LEPROT: variants seen among roughly 807,000 people sequenced by gnomAD.
LEPROT encodes the protein leptin receptor overlapping transcript, also known as leptin receptor gene-related protein.
Under a neutral mutation model 15.4 loss-of-function variants are expected in LEPROT, and 3 were observed. That is an observed-to-expected ratio of 0.19 (90% confidence interval 0.09 to 0.50). The LOEUF is 0.50. Among genes scored for constraint, LEPROT ranks in the 20% least tolerant of loss-of-function variants. The pLI is 0.97. For missense variants in LEPROT, 137 were observed against 162.2 expected, an observed-to-expected ratio of 0.84 and a Z score of 0.84; for synonymous variants, 59 against 57.5, an observed-to-expected ratio of 1.03 and a Z score of -0.12.
intron 3 of LEPROT, among the ~76,000 whole-genome samples, chr1:65,430,862 A>G (rs9436741): frequency 0.41 from 62,743 of 152,062 alleles, 15,808 homozygotes; most frequent in African/African-American, 0.72. Context: ...AGGGGCACCA[A>G]GAAGAGAGAA....
chr1:65,428,403 T>C (rs1039876182), intron 2 of LEPROT, among the ~76,000 whole-genome samples: 4 of 152,212 alleles, frequency 2.6e-5, no homozygotes, highest in African/African-American at 9.7e-5. Flanking sequence ...TGTGTCTCCT[T>C]TCTCACTGTT....
intron 2 of LEPROT, among the ~76,000 whole-genome samples, chr1:65,429,546 G>A (rs556283998): frequency 6.6e-6 from 1 of 152,282 alleles, no homozygotes; most frequent in Non-Finnish European, 1.5e-5. Context: ...GTTCTATAGG[G>A]AAGGCAGAAA....
Position 65,434,259 on chromosome 1 carries a change from A to T in LEPROT, c.*2340A>T. ...AGGAAATATTGCTATATCTGAATAT[A>T]TAATACAAAAGTTTGATCATGGTGA... On this transcript the variant is annotated 3_prime_UTR_variant, in exon 4 of 4. Transcript: ENST00000371065. The T allele has an allele frequency of 3.1e-6, 3 of 981,692 alleles. No individual in the cohort carries two copies. The highest frequency in any genetic ancestry group is 3.6e-6 in the Non-Finnish European group (3 of 826,486). 60.8% of individuals were successfully genotyped at this position (981,692 alleles called of 1,614,324 possible).
chr1:65,435,614 G>T lies in LEPROT; in HGVS notation c.*3695G>T. On this transcript the variant is annotated 3_prime_UTR_variant, in exon 4 of 4. Coordinates refer to ENST00000371065, the MANE Select transcript of LEPROT (RefSeq NM_017526.5). Reference sequence around the variant, plus strand: ...GATCTCCTGACCTCATGATCCGCCCGCCTCTGCCTCCCAAAGTGCTGGGAT... The same window carrying T: ...GATCTCCTGACCTCATGATCCGCCCTCCTCTGCCTCCCAAAGTGCTGGGAT... 1 of 805,124 alleles carries T rather than the reference G, an allele frequency of 1.2e-6. No homozygotes were observed. Among genetic ancestry groups the T allele is most frequent in the Non-Finnish European group, 1.5e-6 (1 of 665,682 alleles). 49.9% of individuals were successfully genotyped at this position (805,124 alleles called of 1,614,324 possible).
chr1:65,426,966 C>G (rs186074352), intron 2 of LEPROT, among the ~76,000 whole-genome samples: 1 of 151,046 alleles, frequency 6.6e-6, no homozygotes, highest in Non-Finnish European at 1.5e-5. Context: ...CCACTGCACT[C>G]TAGCCTGGCG....
rs370689197 is a variant in LEPROT, at chr1:65,435,691, G to A, written c.*3772G>A. On this transcript the variant is annotated 3_prime_UTR_variant, in exon 4 of 4. Transcript: ENST00000371065. ...CAAAATGTGCCTTTGCAAAGTTTGC[G>A]AAATCAGATTTTGTATCCCAATAGA... 1.9e-5 allele frequency: 19 copies of A among 985,412 alleles called. No individual in the cohort carries two copies. The East Asian group carries it at 9.1e-4, about 47-fold the overall frequency. 61.0% of individuals were successfully genotyped at this position (985,412 alleles called of 1,614,324 possible).
rs868416243 is a variant in LEPROT, at chr1:65,422,813, G to A, written c.16+2073G>A. On this transcript the variant is annotated intron_variant, in intron 1 of 3. Transcript: ENST00000371065. The stretch of plus-strand genomic sequence containing the variant: ...ACAGGCAGTTAGGAGTGAGTCAGGC[G>A]ATGGTGAGCCTCCGTGCCAGAACAA... Among the ~76,000 whole-genome samples, 37 of 152,354 alleles carry A rather than the reference G, an allele frequency of 2.4e-4. 1 individual carries two copies. In the Middle Eastern group the frequency reaches 0.01, roughly 42 times the overall value.
rs777494694 is a variant in LEPROT, at chr1:65,425,288, C to T, written c.17-15C>T. On this transcript the variant is annotated splice_polypyrimidine_tract_variant and intron_variant, in intron 1 of 3. Transcript: ENST00000371065. ...CTACTGTGGGAACTTTAACTTTTGG[C>T]TTTATTTTTCACAGCTCTCGTGGCA... 4 of 1,611,458 alleles carry T rather than the reference C, an allele frequency of 2.5e-6. No homozygotes were observed. Among genetic ancestry groups the T allele is most frequent in the East Asian group, 2.2e-5 (1 of 44,778 alleles).
chr1:65,428,546 T>C (rs187228875), intron 2 of LEPROT, among the ~76,000 whole-genome samples: 2 of 152,320 alleles, frequency 1.3e-5, no homozygotes, highest in East Asian at 3.9e-4. Flanking sequence ...TCCTGAGTCC[T>C]CTTGAAGGAC....
In LEPROT at chr1:65,435,810, G is replaced by A. The variant is rs982595176; in HGVS notation, c.*3891G>A. The stretch of plus-strand genomic sequence containing the variant: ...TGTCTGTAGTAGATAAATATTAGTT[G>A]TGCATTTTAATTTAATTCTCCTTTT... On this transcript the variant is annotated 3_prime_UTR_variant, in exon 4 of 4. Coordinates refer to ENST00000371065, the MANE Select transcript of LEPROT (RefSeq NM_017526.5). 2.7e-5 allele frequency: 27 copies of A among 982,368 alleles called. No homozygotes were observed. In the African/African-American group the frequency reaches 4.4e-4, roughly 16 times the overall value. 60.9% of individuals were successfully genotyped at this position (982,368 alleles called of 1,614,324 possible).
chr1:65,430,700 A>G lies in LEPROT; in HGVS notation c.279+652A>G, dbSNP rs139561186. On this transcript the variant is annotated intron_variant, in intron 3 of 3. Transcript: ENST00000371065. ...GATAAGCGCAAGTCTTGTTCATTCA[A>G]TAAATATCTTTGCAACAACTGCTAC... Among the ~76,000 whole-genome samples, 21 of 151,862 alleles carry G rather than the reference A, an allele frequency of 1.4e-4. No homozygotes were observed. The East Asian group carries it at 3.3e-3, about 24-fold the overall frequency.
rs1009190333 is a variant in LEPROT, at chr1:65,433,179, A to G, written c.*1260A>G. The G allele has an allele frequency of 2.0e-6, 2 of 982,952 alleles. No homozygotes were observed. The highest frequency in any genetic ancestry group is 1.8e-5 in the African/African-American group (1 of 56,216). The allele number at this position is 982,952 out of a possible 1,614,324, so 60.9% of individuals were successfully genotyped here. On this transcript the variant is annotated 3_prime_UTR_variant, in exon 4 of 4. Coordinates refer to ENST00000371065, the MANE Select transcript of LEPROT (RefSeq NM_017526.5). ...CTCCTTCCCTCTGCCCCCCACCCCTACTCCTCAACAGTTCTGGTTTGCCCT... is the reference window on the plus strand; with the variant it reads ...CTCCTTCCCTCTGCCCCCCACCCCTGCTCCTCAACAGTTCTGGTTTGCCCT...
chr1:65,422,167 T>C (rs1378173566), intron 1 of LEPROT, among the ~76,000 whole-genome samples: 1 of 152,208 alleles, frequency 6.6e-6, no homozygotes, highest in Admixed American at 6.5e-5. Context: ...TTTGCAGATA[T>C]AATCAAATTA....
chr1:65,430,142 C>A, intron 3 of LEPROT, 94 bp downstream of exon 3: 2 of 1,122,110 alleles, frequency 1.8e-6, no homozygotes, highest in Non-Finnish European at 2.4e-6. Flanking sequence ...ATTACTTAGG[C>A]TTTATACTCA....
At chr1:65,421,592 T>C in intron 1 of LEPROT, 1 of 1,003,338 alleles carries the variant, frequency 1.0e-6, no homozygotes, top group Non-Finnish European at 1.5e-6. Context: ...ATGTAGATAG[T>C]ATATATACGA....
intron 2 of LEPROT, among the ~76,000 whole-genome samples, chr1:65,426,585 G>A (rs899236404): frequency 6.6e-6 from 1 of 152,116 alleles, no homozygotes. Context: ...GGAAAGAAAA[G>A]GAGAGTGAGT....
At chr1:65,421,827 C>T (rs1189179519) in intron 1 of LEPROT, among the ~76,000 whole-genome samples, 1 of 151,728 alleles carries the variant, frequency 6.6e-6, no homozygotes, top group African/African-American at 2.4e-5. Flanking sequence ...ATCATGATCA[C>T]GTTTATGTGT....
chr1:65,421,335 A>G, intron 1 of LEPROT: 2 of 1,534,402 alleles, frequency 1.3e-6, no homozygotes, highest in Non-Finnish European at 1.7e-6. Context: ...CAGAGAAGAA[A>G]CCAGTGTGTG....
chr1:65,428,896 T>A (rs568683954), intron 2 of LEPROT, among the ~76,000 whole-genome samples: 1 of 152,296 alleles, frequency 6.6e-6, no homozygotes, highest in East Asian at 1.9e-4. Flanking sequence ...TGTTTTTGCA[T>A]TACACTATTA....
Sources: allele counts gnomAD v4.1 joint callset (sites outside exome capture counted in the v4.1 genomes callset), GRCh38; gene constraint gnomAD v4.1.1; transcripts MANE v1.5; gene names NCBI Gene and HGNC (gene_info 2026-07-23, HGNC 2026-07-21).